The following SPTBN5 variants were observed in gnomAD, a reference collection of about 807,000 sequenced individuals.
SPTBN5 encodes spectrin beta chain, non-erythrocytic 5.
A neutral mutation model predicts 477.6 loss-of-function variants in SPTBN5; 513 were observed. That is an observed-to-expected ratio of 1.07 (90% confidence interval 1.00 to 1.16). The LOEUF is 1.16. Ranked by LOEUF, SPTBN5 falls within the 50% of genes most tolerant of loss-of-function variation. The pLI is 0.00. For synonymous variants in SPTBN5, 2,169 were observed against 2,011.7 expected (o/e 1.08, Z -2.09); for missense variants, 5,062 against 4,731.8 (o/e 1.07, Z -2.05).
At chr15:41,857,766 A>C (rs2065971398) in intron 49 of SPTBN5, 56 bp from the exon 50 acceptor site, 1 of 1,508,692 alleles carries the variant, frequency 6.6e-7, no homozygotes, top group Admixed American at 2.0e-5. Flanking sequence ...GTACCAGGGC[A>C]CTTGTGTTGA....
chr15:41,869,705 C>T (rs901359583), intron 32 of SPTBN5, 136 bp downstream of exon 32: 30 of 920,526 alleles, frequency 3.3e-5, no homozygotes, highest in Middle Eastern at 3.5e-4. Flanking sequence ...ACTGACATCC[C>T]GTGTGCTCGT....
At chr15:41,858,474 G>A (rs2065992468) in intron 49 of SPTBN5, 128 bp downstream of exon 49, 1 of 1,202,874 alleles carries the variant, frequency 8.3e-7, no homozygotes, top group Non-Finnish European at 1.1e-6. Flanking sequence ...GCTTAGCCAG[G>A]TGCCTGCATG....
intron 56 of SPTBN5, among the ~76,000 whole-genome samples, chr15:41,854,474 C>T (rs966357933): frequency 4.0e-5 from 6 of 151,622 alleles, no homozygotes; most frequent in Non-Finnish European, 8.8e-5. Context: ...GTTGGGTCCA[C>T]GTGAGGGAGC....
chr15:41,862,900 C>T lies in SPTBN5; in HGVS notation c.7153G>A (p.Ala2385Thr). ...CCACAGTCCAGGGCCTGGATCAGGGCTTCCTGGAGGAGGGGCACGGCCAGT... is the reference window on the plus strand; with the variant it reads ...CCACAGTCCAGGGCCTGGATCAGGGTTTCCTGGAGGAGGGGCACGGCCAGT... ...NVTKRIQEKE[A>T]LIQALDCGKD... The change falls in exon 42 of 68, where the codon GCC becomes ACC. Residue 2385 changes from alanine (A) to threonine (T), a missense_variant. By Grantham distance (58) the Ala-to-Thr change is moderately conservative. Coordinates refer to ENST00000320955, the MANE Select transcript of SPTBN5 (RefSeq NM_016642.4). 6.4e-7 allele frequency: 1 copy of T among 1,573,222 alleles called. No individual in the cohort carries two copies. Among genetic ancestry groups the T allele is most frequent in the Non-Finnish European group, 8.6e-7 (1 of 1,160,058 alleles).
Position 41,877,100 on chromosome 15 carries a change from C to T in SPTBN5, c.3711+16G>A. On this transcript the variant is annotated intron_variant, in intron 18 of 67. Transcript: ENST00000320955. ...GATGGGGAGTGACAGCCTAGCTCCACATTCCTGCTCCATACCCCAAGGTTG... is the reference window on the plus strand; with the variant it reads ...GATGGGGAGTGACAGCCTAGCTCCATATTCCTGCTCCATACCCCAAGGTTG... 1 of 1,613,300 alleles carries T rather than the reference C, an allele frequency of 6.2e-7. No homozygotes were observed. Among genetic ancestry groups the T allele is most frequent in the Non-Finnish European group, 8.5e-7 (1 of 1,179,508 alleles).
In SPTBN5 at chr15:41,886,016, G is replaced by T; in HGVS notation, c.1239C>A (p.Ala413=). The change falls in exon 7 of 68, where the codon GCC becomes GCA. Residue 413 remains alanine, a synonymous_variant. Coordinates refer to ENST00000320955, the MANE Select transcript of SPTBN5 (RefSeq NM_016642.4). The part of the protein sequence containing the change: ...LEWAEAARSQ[A]LQQRLLQLQR... ...GCAGCTGCAGTAGCCTCTGCTGCAGGGCCTGGCTCCTTGCAGCCTCTGCCC... is the reference window on the plus strand; with the variant it reads ...GCAGCTGCAGTAGCCTCTGCTGCAGTGCCTGGCTCCTTGCAGCCTCTGCCC... 1 of 1,553,676 alleles carries T rather than the reference G, an allele frequency of 6.4e-7. No homozygotes were observed. The highest frequency in any genetic ancestry group is 1.2e-5 in the South Asian group (1 of 83,818).
intron 46 of SPTBN5, 106 bp from the exon 47 acceptor site, chr15:41,860,864 C>A (rs752306204): frequency 8.5e-7 from 1 of 1,170,994 alleles, no homozygotes; most frequent in African/African-American, 1.6e-5. Context: ...ATCCACAGAG[C>A]GGCTGCTCCG....
At position 41,851,101 on chromosome 15, in the gene SPTBN5, C is replaced by T; in HGVS notation, c.10793G>A (p.Arg3598Lys). The T allele has an allele frequency of 1.9e-6, 3 of 1,613,254 alleles. No homozygotes were observed. Among genetic ancestry groups the T allele is most frequent in the South Asian group, 2.2e-5 (2 of 91,004 alleles). ...LLDLTGARCE[R>K]LRGRHGRKHT... ...TTTCCTGCCGTGGCGGCCCCGCAGC[C>T]TCTCACACCGGGCTCCCGTGAGGTC... is the stretch of plus-strand genomic sequence containing the variant. Residue 3598 changes from arginine to lysine, a missense_variant, in exon 65 of 68, where the codon AGG becomes AAG. Coordinates refer to ENST00000320955, the MANE Select transcript of SPTBN5 (RefSeq NM_016642.4).
chr15:41,878,998 T>G (rs1300501395), intron 16 of SPTBN5, among the ~76,000 whole-genome samples: 1 of 152,058 alleles, frequency 6.6e-6, no homozygotes, highest in Non-Finnish European at 1.5e-5. Context: ...CCCGGGAGGC[T>G]GAGCTTCCAG....
In SPTBN5 at chr15:41,865,824, C is replaced by CGGAA. The variant is rs751303274; in HGVS notation, c.6898_6901dup (p.Arg2301LeufsTer12). 2.2e-5 allele frequency: 34 copies of CGGAA among 1,564,562 alleles called. 2 individuals carry two copies. In the South Asian group the frequency reaches 3.8e-4, roughly 17 times the overall value. ...CCCTCTTACCCCGGCCGAGTTTCCT[C>CGGAA]GGAACTCGCGGAGCCGCCGTCGGAG... is the stretch of plus-strand genomic sequence containing the variant. On this transcript the variant is annotated frameshift_variant, in exon 39 of 68. Transcript: ENST00000320955. LOFTEE classifies it high-confidence loss of function.
At chr15:41,873,013 C>T (rs958129637) in intron 26 of SPTBN5, among the ~76,000 whole-genome samples, 4 of 152,066 alleles carry the variant, frequency 2.6e-5, no homozygotes, top group African/African-American at 7.2e-5. Context: ...TCTGGGAGTC[C>T]GAATTCAGGA....
intron 6 of SPTBN5, 125 bp downstream of exon 6, chr15:41,887,088 G>A: frequency 2.5e-6 from 2 of 795,200 alleles, no homozygotes; most frequent in South Asian, 3.3e-5. Flanking sequence ...TGTGATAGAG[G>A]GTGCACAGTG....
chr15:41,856,888 G>A lies in SPTBN5; in HGVS notation c.8773C>T (p.Leu2925=), dbSNP rs1377042487. 7 of 1,551,192 alleles carry A rather than the reference G, an allele frequency of 4.5e-6. No homozygotes were observed. Among genetic ancestry groups the A allele is most frequent in the Non-Finnish European group, 6.1e-6 (7 of 1,147,416 alleles). ...LAAAQDYGQS[L]SAVRHLQEQH... ...TCCTGCAGGTGCCGCACCGCACTCA[G>A]GCTCTGGCCATAGTCCTGGGCAGCG... Residue 2925 remains leucine (L), a synonymous_variant, in exon 52 of 68, where the codon CTG becomes TTG. Coordinates refer to ENST00000320955, the MANE Select transcript of SPTBN5 (RefSeq NM_016642.4).
chr15:41,851,160 G>C lies in SPTBN5; in HGVS notation c.10744-10C>G. 6.2e-7 allele frequency: 1 copy of C among 1,611,772 alleles called. No individual in the cohort carries two copies. The highest frequency in any genetic ancestry group is 8.5e-7 in the Non-Finnish European group (1 of 1,179,164). ...CTATGGAAGCTACTTTCTGAGGAGA[G>C]ATGAGAGGCAGGGGTCACTGCGGCC... On this transcript the variant is annotated splice_polypyrimidine_tract_variant and intron_variant, in intron 64 of 67. Transcript: ENST00000320955.
At chr15:41,879,548 C>T in intron 15 of SPTBN5, 49 bp from the exon 16 acceptor site, 2 of 1,519,674 alleles carry the variant, frequency 1.3e-6, no homozygotes, top group Non-Finnish European at 1.8e-6. Flanking sequence ...ACCTCCCCAT[C>T]CATCCGGGAG....
intron 67 of SPTBN5, among the ~76,000 whole-genome samples, 175 bp from the exon 68 acceptor site, chr15:41,848,803 G>A (rs748573037): frequency 1.5e-4 from 23 of 152,202 alleles, no homozygotes; most frequent in Non-Finnish European, 2.8e-4. Flanking sequence ...AGTGACGCGT[G>A]AGTGGGTGGG....
At chr15:41,852,123 C>T in intron 62 of SPTBN5, 59 bp downstream of exon 62, 7 of 1,519,644 alleles carry the variant, frequency 4.6e-6, no homozygotes, top group Non-Finnish European at 6.2e-6. Context: ...GCCCCAGCCC[C>T]ACTGCATGCT....
chr15:41,853,411 G>T lies in SPTBN5; in HGVS notation c.10017C>A (p.Ser3339=). ...CCGCCACGTCCTCAGCCAGCTCCTC[G>T]GAGGACGCCAGCTCCTGCCTCTCCT... The part of the protein sequence containing the change: ...WAQERQELAS[S]EELAEDVAGA... Residue 3339 remains serine, a synonymous_variant, in exon 59 of 68, where the codon TCC becomes TCA. Coordinates refer to ENST00000320955, the MANE Select transcript of SPTBN5 (RefSeq NM_016642.4). 1.3e-6 allele frequency: 2 copies of T among 1,599,096 alleles called. No individual in the cohort carries two copies. Among genetic ancestry groups the T allele is most frequent in the Non-Finnish European group, 1.7e-6 (2 of 1,170,170 alleles).
rs1173253831 is a variant in SPTBN5 at position 41,883,251 on chromosome 15, G to A, written c.1660-23C>T. 5 of 1,606,166 alleles carry A rather than the reference G, an allele frequency of 3.1e-6. No homozygotes were observed. In the African/African-American group the frequency reaches 4.0e-5, roughly 13 times the overall value. On this transcript the variant is annotated intron_variant, in intron 8 of 67. Transcript: ENST00000320955. ...CTCCTGGCCAGAGATGATGGTCATT[G>A]CAGTGGTCCCAAGGTGCTGGGTCCC...
Sources: allele counts gnomAD v4.1 joint callset (sites outside exome capture counted in the v4.1 genomes callset), GRCh38; gene constraint gnomAD v4.1.1; transcripts MANE v1.5; gene names NCBI Gene and HGNC (gene_info 2026-07-23, HGNC 2026-07-21).